ELMOD1: variants seen among roughly 807,000 people sequenced by gnomAD.
The protein encoded by ELMOD1 is ELMO domain-containing protein 1.
ELMOD1 carries 21 observed loss-of-function variants against 46.7 expected under a neutral mutation model. That is an observed-to-expected ratio of 0.45 (90% CI 0.32 to 0.65). The LOEUF (loss-of-function observed/expected upper bound fraction) is 0.65, where lower values mean the gene tolerates loss of function less well. ELMOD1 is among the 30% of genes least tolerant of loss of function. ELMOD1 has a pLI of 0.04. For missense variants in ELMOD1, 348 were observed against 407.8 expected (o/e 0.85, Z 1.26); for synonymous variants, 122 against 138.2 (o/e 0.88, Z 0.82).
At chr11:107,620,676 G>T (rs1591113238) in intron 2 of ELMOD1, among the ~76,000 whole-genome samples, 1 of 152,178 alleles carries the variant, frequency 6.6e-6, no homozygotes. Flanking sequence ...GACCATCCTG[G>T]CCAACATGGT....
intron 1 of ELMOD1, among the ~76,000 whole-genome samples, chr11:107,603,850 C>G (rs535010115): frequency 6.6e-6 from 1 of 151,290 alleles, no homozygotes; most frequent in Non-Finnish European, 1.5e-5. Context: ...TGCACTCCAG[C>G]CTGGGTGACA....
chr11:107,625,947 C>G (rs1565378503), intron 2 of ELMOD1, among the ~76,000 whole-genome samples: 1 of 152,114 alleles, frequency 6.6e-6, no homozygotes, highest in Non-Finnish European at 1.5e-5. Flanking sequence ...TTCTGGAACA[C>G]TATCAAAAAG....
rs1368400987 is a variant in ELMOD1, at chr11:107,665,443, G to A, written c.*246G>A. 2.6e-6 allele frequency: 1 copy of A among 378,098 alleles called. No homozygotes were observed. The highest frequency in any genetic ancestry group is 4.7e-6 in the Non-Finnish European group (1 of 213,118). The allele number at this position is 378,098 out of a possible 1,614,324, so 23.4% of individuals were successfully genotyped here. ...TGTTACATCTTGCCTTGATACCCAG[G>A]TATGGAGAGAGTTTTCTATTTTTTT... On this transcript the variant is annotated 3_prime_UTR_variant, in exon 12 of 12. Transcript: ENST00000265840.
chr11:107,658,843 G>A (rs771825458), intron 11 of ELMOD1, among the ~76,000 whole-genome samples: 1 of 152,230 alleles, frequency 6.6e-6, no homozygotes, highest in Non-Finnish European at 1.5e-5. Flanking sequence ...GCTGAGGCAT[G>A]AGAATCTCTT....
chr11:107,637,508 C>T (rs1023762149), intron 6 of ELMOD1, among the ~76,000 whole-genome samples: 7 of 152,102 alleles, frequency 4.6e-5, no homozygotes, highest in Non-Finnish European at 1.0e-4. Context: ...GCCTGGCCAA[C>T]ATGGTGAAAC....
chr11:107,622,793 G>A (rs1229122151), intron 2 of ELMOD1, among the ~76,000 whole-genome samples: 1 of 152,118 alleles, frequency 6.6e-6, no homozygotes, highest in Non-Finnish European at 1.5e-5. Context: ...GCTAAGTCCT[G>A]AAAAAGGGAA....
At position 107,665,594 on chromosome 11, in the gene ELMOD1, A is replaced by G. The variant is rs986265675; in HGVS notation, c.*397A>G. ...GCCTTTTAATTTATTGAAATGTTTCATGACTACTGCTGCTAGCTCTTCAAG... is the reference window on the plus strand; with the variant it reads ...GCCTTTTAATTTATTGAAATGTTTCGTGACTACTGCTGCTAGCTCTTCAAG... On this transcript the variant is annotated 3_prime_UTR_variant, in exon 12 of 12. Coordinates refer to ENST00000265840, the MANE Select transcript of ELMOD1 (RefSeq NM_018712.4). 7.9e-5 allele frequency: 13 copies of G among 165,240 alleles called. No homozygotes were observed. Among genetic ancestry groups the G allele is most frequent in the African/African-American group, 3.1e-4 (13 of 41,666 alleles). 10.2% of individuals were successfully genotyped at this position (165,240 alleles called of 1,614,324 possible).
intron 1 of ELMOD1, among the ~76,000 whole-genome samples, chr11:107,617,203 G>A (rs144927381): frequency 1.8e-3 from 269 of 152,270 alleles, no homozygotes; most frequent in Middle Eastern, 0.014. Flanking sequence ...AGAAATAAAC[G>A]TGTTAAATAA....
intron 1 of ELMOD1, among the ~76,000 whole-genome samples, chr11:107,595,753 T>C (rs903802503): frequency 1.3e-4 from 20 of 152,172 alleles, no homozygotes; most frequent in African/African-American, 4.6e-4. Context: ...TTTATATCAG[T>C]TTCTATGCTG....
At position 107,627,474 on chromosome 11, in the gene ELMOD1, T is replaced by A. The variant is rs563149843; in HGVS notation, c.18-2943T>A. Among the ~76,000 whole-genome samples, 176 of 152,304 alleles carry A rather than the reference T, an allele frequency of 1.2e-3. 2 individuals carry two copies. Among genetic ancestry groups the A allele is most frequent in the Admixed American group, 3.6e-3 (55 of 15,304 alleles). On this transcript the variant is annotated intron_variant, in intron 2 of 11. Coordinates refer to ENST00000265840, the MANE Select transcript of ELMOD1 (RefSeq NM_018712.4). The stretch of plus-strand genomic sequence containing the variant: ...TGAGCATCATCAAGGAAGTTTTTTT[T>A]AAAAGATAAAAGCAAATAGAATGAG...
At chr11:107,646,070 G>A (rs1482551333) in intron 6 of ELMOD1, among the ~76,000 whole-genome samples, 1 of 152,066 alleles carries the variant, frequency 6.6e-6, no homozygotes, top group Non-Finnish European at 1.5e-5. Flanking sequence ...ATACCCTGTC[G>A]GTAATGAAGA....
At chr11:107,628,909 A>T (rs1444175869) in intron 2 of ELMOD1, among the ~76,000 whole-genome samples, 2 of 152,220 alleles carry the variant, frequency 1.3e-5, no homozygotes, top group South Asian at 2.1e-4. Flanking sequence ...TACTATTAAA[A>T]TTTTTGTTTT....
At chr11:107,612,552 C>T (rs1317369519) in intron 1 of ELMOD1, among the ~76,000 whole-genome samples, 1 of 152,168 alleles carries the variant, frequency 6.6e-6, no homozygotes, top group Non-Finnish European at 1.5e-5. Flanking sequence ...TGCTTAGGTC[C>T]TGCTGAACCA....
At chr11:107,609,234 T>C (rs1352170574) in intron 1 of ELMOD1, among the ~76,000 whole-genome samples, 1 of 152,254 alleles carries the variant, frequency 6.6e-6, no homozygotes, top group Non-Finnish European at 1.5e-5. Context: ...AAGCTAAGAC[T>C]TAACTTTTAA....
At chr11:107,657,754 A>G (rs987789749) in intron 11 of ELMOD1, among the ~76,000 whole-genome samples, 1 of 152,234 alleles carries the variant, frequency 6.6e-6, no homozygotes, top group Non-Finnish European at 1.5e-5. Flanking sequence ...AAAGGAATAA[A>G]TGGGGTCTAG....
chr11:107,629,720 G>C (rs1042187368), intron 2 of ELMOD1, among the ~76,000 whole-genome samples: 1 of 152,146 alleles, frequency 6.6e-6, no homozygotes, highest in African/African-American at 2.4e-5. Context: ...CTCAAGAGGA[G>C]TTTTTGAAAC....
At chr11:107,637,206 T>C (rs1404244341) in intron 6 of ELMOD1, among the ~76,000 whole-genome samples, 1 of 152,226 alleles carries the variant, frequency 6.6e-6, no homozygotes, top group East Asian at 1.9e-4. Context: ...ATGAGATAGA[T>C]AAGGAAATGA....
chr11:107,605,527 C>T (rs1451914062), intron 1 of ELMOD1, among the ~76,000 whole-genome samples: 1 of 152,164 alleles, frequency 6.6e-6, no homozygotes, highest in Non-Finnish European at 1.5e-5. Context: ...ATCAATCCTG[C>T]ATCCTCCCAT....
At position 107,654,240 on chromosome 11, in the gene ELMOD1, C is replaced by G; in HGVS notation, c.698+18C>G. On this transcript the variant is annotated intron_variant, in intron 10 of 11. Transcript: ENST00000265840. ...GCAATTGGGTGAGTATGGGATCTCA[C>G]ATGGAAAGATGGTCCGTCTGAAACA... 3.2e-6 allele frequency: 5 copies of G among 1,582,762 alleles called. No individual in the cohort carries two copies. Among genetic ancestry groups the G allele is most frequent in the Non-Finnish European group, 4.3e-6 (5 of 1,162,996 alleles).
Sources: allele counts gnomAD v4.1 joint callset (sites outside exome capture counted in the v4.1 genomes callset), GRCh38; gene constraint gnomAD v4.1.1; transcripts MANE v1.5; gene names NCBI Gene and HGNC (gene_info 2026-07-23, HGNC 2026-07-21).